MOCOS: variants seen among roughly 807,000 people sequenced by gnomAD.
The protein encoded by MOCOS is molybdenum cofactor sulfurase, also known as human molybdenum cofactor sulfurase.
MOCOS carries 86 observed loss-of-function variants against 83.6 expected under a neutral mutation model. That is an observed-to-expected ratio of 1.03 (90% CI 0.86 to 1.23). The LOEUF (loss-of-function observed/expected upper bound fraction) is 1.23. Ranked by LOEUF, MOCOS falls within the 50% of genes most tolerant of loss-of-function variation. The pLI, the probability that MOCOS is intolerant of heterozygous loss-of-function variation, is 0.00. For missense variants in MOCOS, 1,120 were observed against 1,126.9 expected, an observed-to-expected ratio of 0.99 and a Z score of 0.09; for synonymous variants, 445 against 434.7, an observed-to-expected ratio of 1.02 and a Z score of -0.29.
At chr18:36,232,784 T>TC (rs1351110257) in intron 9 of MOCOS, among the ~76,000 whole-genome samples, 1 of 152,054 alleles carries the variant, frequency 6.6e-6, no homozygotes, top group African/African-American at 2.4e-5. Context: ...TAACATAATG[T>TC]CCTTCAGGCT....
intron 13 of MOCOS, 71 bp from the exon 14 acceptor site, chr18:36,266,678 A>G: frequency 7.5e-7 from 1 of 1,329,010 alleles, no homozygotes; most frequent in Non-Finnish European, 1.1e-6. Flanking sequence ...TTTCTGTGTG[A>G]TTCCTCCCTC....
intron 3 of MOCOS, 43 bp from the exon 4 acceptor site, chr18:36,199,640 G>T: frequency 6.2e-7 from 1 of 1,611,186 alleles, no homozygotes; most frequent in Non-Finnish European, 8.5e-7. Flanking sequence ...TTCAGTGCTG[G>T]GGCTGAGATC....
At chr18:36,265,313 A>G (rs922301467) in intron 13 of MOCOS, among the ~76,000 whole-genome samples, 9 of 152,240 alleles carry the variant, frequency 5.9e-5, no homozygotes, top group Non-Finnish European at 8.8e-5. Flanking sequence ...TCCTTGAGAC[A>G]GTCGTTATCT....
chr18:36,190,224 C>T (rs1244892882), intron 1 of MOCOS: 1 of 152,148 alleles, frequency 6.6e-6, no homozygotes. Flanking sequence ...TGGTTTGGTA[C>T]CTTTGTATTT....
At chr18:36,213,675 TC>T (rs2091464105) in intron 7 of MOCOS, among the ~76,000 whole-genome samples, 193 bp downstream of exon 7, 1 of 152,308 alleles carries the variant, frequency 6.6e-6, no homozygotes, top group African/African-American at 2.4e-5. Context: ...ACGCCTGTAA[TC>T]CCAGCACTTT....
At chr18:36,245,179 C>A (rs2091598081) in intron 9 of MOCOS, among the ~76,000 whole-genome samples, 1 of 151,724 alleles carries the variant, frequency 6.6e-6, no homozygotes, top group South Asian at 2.1e-4. Context: ...TAGTTGTTGC[C>A]TGAATACCTT....
chr18:36,248,300 GT>G (rs972250226), intron 9 of MOCOS, among the ~76,000 whole-genome samples: 22 of 151,726 alleles, frequency 1.4e-4, no homozygotes, highest in African/African-American at 4.6e-4. Flanking sequence ...TGAATTACTT[GT>G]TTTTTTTCAC....
At chr18:36,203,657 C>T (rs2091423452) in intron 5 of MOCOS, among the ~76,000 whole-genome samples, 2 of 152,244 alleles carry the variant, frequency 1.3e-5, no homozygotes, top group African/African-American at 2.4e-5. Context: ...CATACTGATG[C>T]CTAACCATGA....
chr18:36,229,605 CTTTTCAAAGTTTTAG>C (rs2091530427), intron 9 of MOCOS, among the ~76,000 whole-genome samples: 5 of 152,058 alleles, frequency 3.3e-5, no homozygotes. Context: ...TTTTCTCACT[CTTTTCAAAGTTTTAG>C]ACTCCCATAA....
chr18:36,220,362 T>G, intron 9 of MOCOS, 145 bp downstream of exon 9: 1 of 1,038,976 alleles, frequency 9.6e-7, no homozygotes, highest in Non-Finnish European at 1.4e-6. Context: ...AAAAAAATTA[T>G]CCTGGGTGTG....
chr18:36,222,670 T>C (rs1008272132), intron 9 of MOCOS, among the ~76,000 whole-genome samples: 1 of 151,748 alleles, frequency 6.6e-6, no homozygotes, highest in African/African-American at 2.4e-5. Flanking sequence ...GGCGCGATCT[T>C]GGCTCACTGC....
At chr18:36,229,136 A>G (rs1227093813) in intron 9 of MOCOS, among the ~76,000 whole-genome samples, 1 of 152,140 alleles carries the variant, frequency 6.6e-6, no homozygotes, top group Non-Finnish European at 1.5e-5. Flanking sequence ...ATTTGTCTAC[A>G]TATTTACTTT....
intron 12 of MOCOS, among the ~76,000 whole-genome samples, chr18:36,257,481 G>A (rs971297444): frequency 3.9e-5 from 6 of 152,042 alleles, no homozygotes; most frequent in African/African-American, 1.5e-4. Context: ...AAAAAAGAGT[G>A]GTTATGAAAG....
At chr18:36,262,176 C>G (rs1436028218) in intron 13 of MOCOS, among the ~76,000 whole-genome samples, 1 of 150,996 alleles carries the variant, frequency 6.6e-6, no homozygotes, top group Non-Finnish European at 1.5e-5. Flanking sequence ...CATAGAAACG[C>G]TAATACAAGT....
chr18:36,252,139 G>C (rs887384035), intron 11 of MOCOS, among the ~76,000 whole-genome samples: 16 of 152,022 alleles, frequency 1.1e-4, no homozygotes, highest in African/African-American at 3.9e-4. Flanking sequence ...TCAATACATG[G>C]CTAGATGAAT....
At chr18:36,232,265 A>G (rs1304032487) in intron 9 of MOCOS, among the ~76,000 whole-genome samples, 1 of 152,182 alleles carries the variant, frequency 6.6e-6, no homozygotes, top group Non-Finnish European at 1.5e-5. Context: ...ATGAGCCACC[A>G]TGCCTGACCT....
intron 11 of MOCOS, among the ~76,000 whole-genome samples, chr18:36,256,083 G>A (rs890340961): frequency 1.3e-5 from 2 of 151,860 alleles, no homozygotes; most frequent in Non-Finnish European, 2.9e-5. Flanking sequence ...CTAGAGATGG[G>A]GTTTCTCCAT....
chr18:36,238,439 C>T lies in MOCOS; in HGVS notation c.1961-10483C>T, dbSNP rs1171153915. 7.3e-5 allele frequency among the ~76,000 whole-genome samples: 11 copies of T among 149,780 alleles called. No homozygotes were observed. The East Asian group carries it at 1.4e-3, about 19-fold the overall frequency. ...GTTGTTCAGTTTCCATGTAGTTGAG[C>T]GGTTTTGAGTGAGATTCTTAATCCT... On this transcript the variant is annotated intron_variant, in intron 9 of 14. Coordinates refer to ENST00000261326, the MANE Select transcript of MOCOS (RefSeq NM_017947.4).
At chr18:36,231,737 T>C (rs2091538370) in intron 9 of MOCOS, among the ~76,000 whole-genome samples, 1 of 152,194 alleles carries the variant, frequency 6.6e-6, no homozygotes, top group African/African-American at 2.4e-5. Flanking sequence ...TGACCCACGA[T>C]GTGGATGATC....
Sources: allele counts gnomAD v4.1 joint callset (sites outside exome capture counted in the v4.1 genomes callset), GRCh38; gene constraint gnomAD v4.1.1; transcripts MANE v1.5; gene names NCBI Gene and HGNC (gene_info 2026-07-23, HGNC 2026-07-21).